The following JARID2 variants were observed in gnomAD, a reference collection of about 807,000 sequenced individuals.
JARID2 encodes the protein jumonji and AT-rich interaction domain containing 2.
A neutral mutation model predicts 125.6 loss-of-function variants in JARID2; 21 were observed. The ratio of observed to expected loss-of-function variants is 0.17; its 90% CI spans 0.12 to 0.24. The LOEUF is 0.24. Among genes scored for constraint, JARID2 ranks in the 10% least tolerant of loss-of-function variants. The probability of loss-of-function intolerance (pLI) is 1.00; values close to 1 mark genes in which losing one functional copy is unlikely to be tolerated. For missense variants in JARID2, 1,303 were observed against 1,639.6 expected (o/e 0.79, Z 3.55); for synonymous variants, 736 against 661.6 (o/e 1.11, Z -1.73).
intron 5 of JARID2, among the ~76,000 whole-genome samples, chr6:15,476,956 G>A (rs540252104): frequency 7.2e-5 from 11 of 152,296 alleles, no homozygotes; most frequent in Admixed American, 2.0e-4. Flanking sequence ...GGCTTTTTGA[G>A]TGCTTTGAGG....
chr6:15,401,153 G>C, intron 2 of JARID2: 1 of 952,524 alleles, frequency 1.0e-6, no homozygotes, highest in Non-Finnish European at 1.4e-6. Context: ...ATGGCAAGGT[G>C]CTATATATAT....
chr6:15,512,408 C>T lies in JARID2; in HGVS notation c.3135+18C>T, dbSNP rs1200978401. The T allele has an allele frequency of 1.9e-6, 3 of 1,610,202 alleles. No homozygotes were observed. Among genetic ancestry groups the T allele is most frequent in the East Asian group, 2.2e-5 (1 of 44,770 alleles). On this transcript the variant is annotated intron_variant, in intron 14 of 17. Transcript: ENST00000341776. ...CCGCCAAGGTGAGCAGAGCCGGCCT[C>T]CTCCCGCTTGCTGCCCCCGCATCCC...
intron 1 of JARID2, among the ~76,000 whole-genome samples, chr6:15,355,502 T>C (rs577430700): frequency 7.9e-5 from 12 of 152,360 alleles, no homozygotes; most frequent in African/African-American, 2.6e-4. Flanking sequence ...TTTAGGTTAG[T>C]TGATTTATTT....
In JARID2 at chr6:15,445,946, C is replaced by G. The variant is rs146850311; in HGVS notation, c.324-6060C>G. On this transcript the variant is annotated intron_variant, in intron 3 of 17. Transcript: ENST00000341776. ...ATTCTTAACGAAACTGAATTCCTGT[C>G]TACCTTCAGGTAGACTTCTGCTGGG... is the stretch of plus-strand genomic sequence containing the variant. 5.9e-5 allele frequency among the ~76,000 whole-genome samples: 9 copies of G among 152,288 alleles called. No individual in the cohort carries two copies. The East Asian group carries it at 1.7e-3, about 29-fold the overall frequency.
chr6:15,267,874 G>A (rs908751974), intron 1 of JARID2, among the ~76,000 whole-genome samples: 4 of 152,104 alleles, frequency 2.6e-5, no homozygotes, highest in African/African-American at 9.7e-5. Context: ...TGCATTCAGC[G>A]GAGGATTTAG....
chr6:15,396,215 T>A (rs1273304266), intron 2 of JARID2, among the ~76,000 whole-genome samples: 1 of 152,198 alleles, frequency 6.6e-6, no homozygotes, highest in Non-Finnish European at 1.5e-5. Flanking sequence ...AAGCCAACAA[T>A]ATATATTGAA....
At chr6:15,458,621 G>A (rs146830499) in intron 4 of JARID2, among the ~76,000 whole-genome samples, 14 of 152,338 alleles carry the variant, frequency 9.2e-5, no homozygotes, top group African/African-American at 3.4e-4. Context: ...CAGGAAAGCA[G>A]TATTGGTGGT....
chr6:15,258,558 C>T (rs1443146303), intron 1 of JARID2, among the ~76,000 whole-genome samples: 2 of 152,078 alleles, frequency 1.3e-5, no homozygotes, highest in Non-Finnish European at 2.9e-5. Context: ...CCAAGGCGGG[C>T]GGATCACAAG....
intron 7 of JARID2, among the ~76,000 whole-genome samples, chr6:15,498,555 A>G (rs1444377233): frequency 6.6e-6 from 1 of 152,224 alleles, no homozygotes; most frequent in African/African-American, 2.4e-5. Flanking sequence ...ATGGGAGGAA[A>G]CAGGCCACAC....
chr6:15,342,527 T>A (rs1763103138), intron 1 of JARID2, among the ~76,000 whole-genome samples: 1 of 152,258 alleles, frequency 6.6e-6, no homozygotes. Context: ...AGAATTAGTT[T>A]GATCTAATTC....
At chr6:15,295,283 G>A (rs1011048079) in intron 1 of JARID2, among the ~76,000 whole-genome samples, 10 of 151,658 alleles carry the variant, frequency 6.6e-5, no homozygotes, top group East Asian at 1.9e-4. Flanking sequence ...CAACACGCCC[G>A]GCTAATTTTT....
At chr6:15,306,328 CTTTTTTTTTT>C (rs398000594) in intron 1 of JARID2, among the ~76,000 whole-genome samples, 7 of 99,250 alleles carry the variant, frequency 7.1e-5, no homozygotes, top group African/African-American at 7.7e-5. Flanking sequence ...AGTCATATTT[CTTTTTTTTTT>C]TTTTTTTTTT....
chr6:15,295,123 C>CTTTTTTTTTTTTTTT (rs60419870), intron 1 of JARID2, among the ~76,000 whole-genome samples: 1 of 129,458 alleles, frequency 7.7e-6, no homozygotes, highest in Non-Finnish European at 1.6e-5. Flanking sequence ...TTTTTTCTTT[C>CTTTTTTTTTTTTTTT]TTTTTTTTTT....
chr6:15,369,318 A>G (rs752618734), intron 1 of JARID2: 4 of 467,054 alleles, frequency 8.6e-6, no homozygotes, highest in Non-Finnish European at 1.8e-5. Context: ...TTTTGTAAAA[A>G]AAATTATGAC....
chr6:15,369,359 T>C, intron 1 of JARID2: 1 of 421,628 alleles, frequency 2.4e-6, no homozygotes, highest in Non-Finnish European at 4.8e-6. Flanking sequence ...GACCAATTGC[T>C]CTTTTTGATA....
intron 1 of JARID2, among the ~76,000 whole-genome samples, chr6:15,329,647 C>T (rs1762641561): frequency 6.6e-6 from 1 of 152,130 alleles, no homozygotes. Flanking sequence ...GAAGGTCAGC[C>T]AGCCATTCGG....
At chr6:15,349,794 G>A (rs1763365157) in intron 1 of JARID2, among the ~76,000 whole-genome samples, 1 of 152,166 alleles carries the variant, frequency 6.6e-6, no homozygotes, top group Non-Finnish European at 1.5e-5. Context: ...CGCAAGCAAT[G>A]CCTTATTCTG....
chr6:15,262,663 G>A (rs747945481), intron 1 of JARID2, among the ~76,000 whole-genome samples: 21 of 150,658 alleles, frequency 1.4e-4, no homozygotes, highest in Non-Finnish European at 1.9e-4. Context: ...TCAGCCTTCC[G>A]AGTAGCTGGG....
At chr6:15,514,459 G>A (rs1046860727) in intron 16 of JARID2, among the ~76,000 whole-genome samples, 12 of 152,158 alleles carry the variant, frequency 7.9e-5, no homozygotes, top group African/African-American at 1.7e-4. Flanking sequence ...CTGCACACTC[G>A]CTGAGAGGCC....
Sources: gnomAD v4.1 joint callset for allele counts (sites outside exome capture counted in the v4.1 genomes callset) on GRCh38, gnomAD v4.1.1 for gene constraint, MANE v1.5 for transcripts, NCBI Gene and HGNC (gene_info 2026-07-23, HGNC 2026-07-21) for gene names.